Variants in TRAPPC9 observed in about 807,000 individuals in gnomAD.
TRAPPC9 encodes IKK2 binding protein.
A neutral mutation model predicts 124.0 loss-of-function variants in TRAPPC9; 83 were observed. The observed-to-expected ratio is 0.67, with a 90% confidence interval of 0.56 to 0.80. TRAPPC9 has a LOEUF of 0.80. TRAPPC9 is among the 30% of genes least tolerant of loss of function. The pLI, the probability that TRAPPC9 is intolerant of heterozygous loss-of-function variation, is 0.00. For missense variants in TRAPPC9, 1,302 were observed against 1,508.3 expected (o/e 0.86, Z 2.27); for synonymous variants, 638 against 617.5 (o/e 1.03, Z -0.49).
intron 15 of TRAPPC9, among the ~76,000 whole-genome samples, chr8:140,264,615 AGAGAGAGAGAGCGGAGGGGGAGGGCAGGG>A (rs1292478671): frequency 1.5e-5 from 2 of 132,082 alleles, no homozygotes; most frequent in Non-Finnish European, 3.2e-5. Context: ...GGGAAGGGAG[AGAGAGAGAGAGCGGAGGGGGAGGGCAGGG>A]GAGAGAGAGA....
chr8:140,312,553 A>G (rs979576159), intron 9 of TRAPPC9, among the ~76,000 whole-genome samples: 1 of 152,154 alleles, frequency 6.6e-6, no homozygotes, highest in African/African-American at 2.4e-5. Flanking sequence ...GATAATAACC[A>G]TTATCATCAT....
chr8:139,933,296 T>C (rs965905512), intron 19 of TRAPPC9: 3 of 152,296 alleles, frequency 2.0e-5, no homozygotes, highest in African/African-American at 7.2e-5. Flanking sequence ...TGAATACGTG[T>C]TGAACTGTGA....
intron 17 of TRAPPC9, among the ~76,000 whole-genome samples, chr8:140,215,189 T>C (rs970889492): frequency 5.3e-5 from 8 of 152,102 alleles, no homozygotes; most frequent in African/African-American, 1.9e-4. Context: ...TACTGATGGA[T>C]CTCAGGCAAA....
chr8:140,371,633 A>AG (rs397756007), intron 7 of TRAPPC9, among the ~76,000 whole-genome samples: 1 of 151,094 alleles, frequency 6.6e-6, no homozygotes. Context: ...GGGTTTACAA[A>AG]AGTTTTCTTT....
rs377114410 is a variant in TRAPPC9 at position 139,885,953 on chromosome 8, C to G, written c.2981G>C (p.Ser994Thr). 62 of 1,568,552 alleles carry G rather than the reference C, an allele frequency of 4.0e-5. No individual in the cohort carries two copies. The highest frequency in any genetic ancestry group is 3.8e-4 in the African/African-American group (28 of 74,178). ...ICWRIPSLKR[S>T]GEASVEGLLN... ...GAGTCCTTCCACACTCGCCTCGCCA[C>G]TGCGCTTCAGGGAGGGGTGAGCCTT... The change falls in exon 21 of 23, where the codon AGT (serine) becomes ACT (threonine). Residue 994 changes from serine (S) to threonine (T), a missense_variant. Ser to Thr is a moderately conservative substitution (Grantham distance 58). Coordinates refer to ENST00000438773, the MANE Select transcript of TRAPPC9 (RefSeq NM_001160372.4).
chr8:140,014,440 T>A (rs975348801), intron 18 of TRAPPC9, among the ~76,000 whole-genome samples: 1 of 151,958 alleles, frequency 6.6e-6, no homozygotes, highest in African/African-American at 2.4e-5. Flanking sequence ...ACAGTAAAAA[T>A]AATAATAATA....
chr8:139,822,026 A>G (rs1441843188), intron 21 of TRAPPC9, among the ~76,000 whole-genome samples: 2 of 152,086 alleles, frequency 1.3e-5, no homozygotes, highest in Non-Finnish European at 2.9e-5. Context: ...AATGGCTTTG[A>G]CCCCTGCCCT....
intron 21 of TRAPPC9, among the ~76,000 whole-genome samples, chr8:139,770,715 A>C (rs1470152634): frequency 6.6e-6 from 1 of 152,246 alleles, no homozygotes; most frequent in Non-Finnish European, 1.5e-5. Flanking sequence ...CAATGACTTA[A>C]AAATGGAAAA....
intron 17 of TRAPPC9, among the ~76,000 whole-genome samples, chr8:140,198,704 G>A (rs1587907252): frequency 6.6e-6 from 1 of 152,200 alleles, no homozygotes; most frequent in East Asian, 1.9e-4. Context: ...TAATGAATCC[G>A]CTCTGTCTAG....
chr8:140,079,704 C>A (rs1330639636), intron 17 of TRAPPC9, among the ~76,000 whole-genome samples: 1 of 152,090 alleles, frequency 6.6e-6, no homozygotes, highest in Non-Finnish European at 1.5e-5. Flanking sequence ...GCCAAGAGGG[C>A]GGATTGCTTG....
chr8:139,937,981 G>A (rs779343937), intron 19 of TRAPPC9, among the ~76,000 whole-genome samples: 1 of 75,856 alleles, frequency 1.3e-5, no homozygotes, highest in African/African-American at 1.0e-4. Context: ...TTTGAAAACA[G>A]AGTTCTCCTT....
At position 139,732,093 on chromosome 8, in the gene TRAPPC9, T is replaced by C. The variant is rs1353781461; in HGVS notation, c.3165A>G (p.Val1055=). 3 of 1,606,256 alleles carry C rather than the reference T, an allele frequency of 1.9e-6. No homozygotes were observed. Among genetic ancestry groups the C allele is most frequent in the South Asian group, 1.1e-5 (1 of 89,510 alleles). ...GGACCACAGTGAGGGCGAAGGGCCC[T>C]ACGCTGCGCGGGCTCCGGTTGGTCA... ...VRLTNRSPRS[V]GPFALTVVPF... is the part of the protein sequence containing the mutation. The change falls in exon 22 of 23, where the codon GTA becomes GTG. Residue 1055 remains valine (V), a synonymous_variant. Coordinates refer to ENST00000438773, the MANE Select transcript of TRAPPC9 (RefSeq NM_001160372.4).
intron 6 of TRAPPC9, among the ~76,000 whole-genome samples, chr8:140,403,538 A>G (rs563550496): frequency 2.6e-5 from 4 of 152,226 alleles, no homozygotes; most frequent in African/African-American, 7.2e-5. Flanking sequence ...GAGCCAATGC[A>G]CTCAGCTGTA....
intron 7 of TRAPPC9, 62 bp from the exon 8 acceptor site, chr8:140,371,242 C>T: frequency 6.9e-7 from 1 of 1,454,798 alleles, no homozygotes; most frequent in Admixed American, 2.0e-5. Flanking sequence ...AAAAGAAGCA[C>T]ACATTAAAAA....
At chr8:140,366,134 G>A (rs1452706616) in intron 8 of TRAPPC9, among the ~76,000 whole-genome samples, 2 of 152,150 alleles carry the variant, frequency 1.3e-5, no homozygotes, top group African/African-American at 4.8e-5. Flanking sequence ...ATTCCACAGT[G>A]TATATGTAGC....
chr8:140,421,301 C>T (rs975436378), intron 5 of TRAPPC9, among the ~76,000 whole-genome samples: 2 of 152,164 alleles, frequency 1.3e-5, no homozygotes, highest in Non-Finnish European at 2.9e-5. Flanking sequence ...CTTATTTTTG[C>T]TTACTCATGG....
intron 17 of TRAPPC9, among the ~76,000 whole-genome samples, chr8:140,209,294 C>T (rs1199598815): frequency 6.6e-6 from 1 of 152,164 alleles, no homozygotes; most frequent in African/African-American, 2.4e-5. Flanking sequence ...ACTGTTACGC[C>T]CCCAGCATTC....
chr8:139,845,631 T>C (rs1401167093), intron 21 of TRAPPC9, among the ~76,000 whole-genome samples: 1 of 152,208 alleles, frequency 6.6e-6, no homozygotes, highest in Non-Finnish European at 1.5e-5. Flanking sequence ...CTTTCCTCCA[T>C]GCTCCCCGCA....
chr8:140,093,667 T>A (rs1259964433), intron 17 of TRAPPC9, among the ~76,000 whole-genome samples: 1 of 137,724 alleles, frequency 7.3e-6, no homozygotes, highest in Admixed American at 7.3e-5. Context: ...GACTTCGTCT[T>A]AAAAAAAAAA....
Sources: gnomAD v4.1 joint callset for allele counts (sites outside exome capture counted in the v4.1 genomes callset) on GRCh38, gnomAD v4.1.1 for gene constraint, MANE v1.5 for transcripts, NCBI Gene and HGNC (gene_info 2026-07-23, HGNC 2026-07-21) for gene names.